The following ALPI variants were observed in gnomAD, a reference collection of about 807,000 sequenced individuals.
ALPI encodes the protein intestinal-type alkaline phosphatase.
Under a neutral mutation model 51.5 loss-of-function variants are expected in ALPI, and 50 were observed. The ratio of observed to expected loss-of-function variants is 0.97; its 90% CI spans 0.77 to 1.23. The LOEUF (loss-of-function observed/expected upper bound fraction) is 1.23, where lower values mean the gene tolerates loss of function less well. Ranked by LOEUF, ALPI falls within the 50% of genes most tolerant of loss-of-function variation. ALPI has a pLI of 0.00. For missense variants in ALPI, 692 were observed against 722.4 expected (o/e 0.96, Z 0.48); for synonymous variants, 322 against 308.2 (o/e 1.04, Z -0.47).
chr2:232,458,657 C>T lies in ALPI; in HGVS notation c.1209C>T (p.Asp403=), dbSNP rs774368537. 9 of 1,613,868 alleles carry T rather than the reference C, an allele frequency of 5.6e-6. No homozygotes were observed. In the African/African-American group the frequency reaches 1.1e-4, roughly 19 times the overall value. The change falls in exon 10 of 11, where the codon GAC becomes GAT. Residue 403 remains aspartate (D), a synonymous_variant. Coordinates refer to ENST00000295463, the MANE Select transcript of ALPI (RefSeq NM_001631.5). ...GGTTGGCCCCCAGCAAGGCTCAGGA[C>T]AGCAAAGCCTACACGTCCATCCTGT... is the stretch of plus-strand genomic sequence containing the variant. The part of the protein sequence containing the change: ...IFGLAPSKAQ[D]SKAYTSILYG...
rs1486709309 is a variant in ALPI at position 232,457,218 on chromosome 2, A to G, written c.544A>G (p.Thr182Ala). The G allele has an allele frequency of 1.2e-6, 2 of 1,613,426 alleles. No individual in the cohort carries two copies. Among genetic ancestry groups the G allele is most frequent in the Admixed American group, 3.3e-5 (2 of 60,016 alleles). The change falls in exon 5 of 11, where the codon ACA (threonine) becomes GCA (alanine). Residue 182 changes from threonine to alanine, a missense_variant. Physicochemically the swap from Thr to Ala is moderately conservative, Grantham distance 58. Transcript: ENST00000295463. The surrounding 1 kb of genome is among the most constrained non-coding windows in gnomAD (Gnocchi z 4.7). The stretch of plus-strand genomic sequence containing the variant: ...CTCGCCAGCCGGCACCTACGCACAC[A>G]CAGTGAACCGCAACTGGTACTCAGA... ...HASPAGTYAH[T>A]VNRNWYSDAD... is the part of the protein sequence containing the mutation.
At position 232,458,240 on chromosome 2, in the gene ALPI, C is replaced by T. The variant is rs949284687; in HGVS notation, c.1015C>T (p.His339Tyr). 6.2e-7 allele frequency: 1 copy of T among 1,614,136 alleles called. No individual in the cohort carries two copies. Among genetic ancestry groups the T allele is most frequent in the African/African-American group, 1.3e-5 (1 of 75,050 alleles). ...VEGGRIDHGHHEGVAYQALTE... is the reference protein window; with the variant it reads ...VEGGRIDHGHYEGVAYQALTE... ...AGGCGGCCGCATCGACCATGGTCAT[C>T]ATGAGGGTGTGGCTTACCAGGCACT... is the stretch of plus-strand genomic sequence containing the variant. Residue 339 changes from histidine (H) to tyrosine (Y), a missense_variant, in exon 9 of 11, where the codon CAT (histidine) becomes TAT (tyrosine). Coordinates refer to ENST00000295463, the MANE Select transcript of ALPI (RefSeq NM_001631.5).
chr2:232,457,029 G>A lies in ALPI; in HGVS notation c.431G>A (p.Arg144His), dbSNP rs7559279. 2.4e-3 allele frequency: 3,825 copies of A among 1,613,566 alleles called. 64 individuals are homozygous for A. The African/African-American group carries it at 0.044, about 19-fold the overall frequency. The change falls in exon 4 of 11, where the codon CGC (arginine) becomes CAC (histidine). Residue 144 changes from arginine (R) to histidine (H), a missense_variant. By Grantham distance (29) the Arg-to-His change is conservative (BLOSUM62 0). Transcript: ENST00000295463. The surrounding 1 kb of genome is among the most constrained non-coding windows in gnomAD (Gnocchi z 4.7). Reference sequence around the variant, plus strand: ...CGCTTTAACCAGTGCAACACGACACGCGGCAATGAGGTCATCTCCGTGATG... The same window carrying A: ...CGCTTTAACCAGTGCAACACGACACACGGCAATGAGGTCATCTCCGTGATG... ...AARFNQCNTT[R>H]GNEVISVMNR...
In ALPI at chr2:232,457,716, G is replaced by T; in HGVS notation, c.783+17G>T. ...AAGCACCAGGTGATGGGGGCTGGTG[G>T]GTGTGGGAGGCACGGCAGGGGGAGG... On this transcript the variant is annotated intron_variant, in intron 6 of 10. Coordinates refer to ENST00000295463, the MANE Select transcript of ALPI (RefSeq NM_001631.5). The surrounding 1 kb of genome is among the most constrained non-coding windows in gnomAD (Gnocchi z 4.7). 1.2e-6 allele frequency: 2 copies of T among 1,610,484 alleles called. No homozygotes were observed. The highest frequency in any genetic ancestry group is 1.7e-4 in the Middle Eastern group (1 of 6,054).
At position 232,456,510 on chromosome 2, in the gene ALPI, G is replaced by C. The variant is rs777726761; in HGVS notation, c.184+45G>C. 6 of 1,611,778 alleles carry C rather than the reference G, an allele frequency of 3.7e-6. No homozygotes were observed. The highest frequency in any genetic ancestry group is 4.2e-6 in the Non-Finnish European group (5 of 1,178,856). On this transcript the variant is annotated intron_variant, in intron 2 of 10. Coordinates refer to ENST00000295463, the MANE Select transcript of ALPI (RefSeq NM_001631.5). The surrounding 1 kb of genome is among the most constrained non-coding windows in gnomAD (Gnocchi z 4.2). ...CCAGCCCCGTAGTCCTCACAGCCCC[G>C]GCACCCGGGACCTTCAGTGGTTCCA...
chr2:232,459,797 G>A lies in ALPI; in HGVS notation c.*651G>A. On this transcript the variant is annotated 3_prime_UTR_variant, in exon 11 of 11. Coordinates refer to ENST00000295463, the MANE Select transcript of ALPI (RefSeq NM_001631.5). ...CAAGGGACCAATGAGGCAGAGGCTTGCCCCAAGTCACAGCCACTCAGATGC... is the reference window on the plus strand; with the variant it reads ...CAAGGGACCAATGAGGCAGAGGCTTACCCCAAGTCACAGCCACTCAGATGC... 6.5e-6 allele frequency: 1 copy of A among 152,854 alleles called. No homozygotes were observed. The highest frequency in any genetic ancestry group is 1.5e-5 in the Non-Finnish European group (1 of 68,508). 9.5% of individuals were successfully genotyped at this position (152,854 alleles called of 1,614,324 possible).
chr2:232,458,991 G>T lies in ALPI; in HGVS notation c.1432G>T (p.Ala478Ser). The change falls in exon 11 of 11, where the codon GCG becomes TCG. Residue 478 changes from alanine (A) to serine (S), a missense_variant. Ala to Ser is a moderately conservative substitution (Grantham distance 99). Transcript: ENST00000295463. ...TGGTGTGCAGGAGCAGAGCTTCGTAGCGCATGTCATGGCCTTCGCTGCCTG... is the reference window on the plus strand; with the variant it reads ...TGGTGTGCAGGAGCAGAGCTTCGTATCGCATGTCATGGCCTTCGCTGCCTG... ...VHGVQEQSFV[A>S]HVMAFAACLE... 2 of 1,581,252 alleles carry T rather than the reference G, an allele frequency of 1.3e-6. No homozygotes were observed. The highest frequency in any genetic ancestry group is 2.3e-5 in the South Asian group (2 of 87,178).
chr2:232,457,439 G>A lies in ALPI; in HGVS notation c.648+117G>A, dbSNP rs1690217418. 1.9e-6 allele frequency: 3 copies of A among 1,548,218 alleles called. No homozygotes were observed. The highest frequency in any genetic ancestry group is 2.3e-5 in the East Asian group (1 of 44,440). ...AGGTTCTGGAGGTGGAGTTGGGGATGTAGAATGTGCAATACAGGCTGGGCC... is the reference window on the plus strand; with the variant it reads ...AGGTTCTGGAGGTGGAGTTGGGGATATAGAATGTGCAATACAGGCTGGGCC... On this transcript the variant is annotated intron_variant, in intron 5 of 10. Coordinates refer to ENST00000295463, the MANE Select transcript of ALPI (RefSeq NM_001631.5). This position sits in a 1 kb window ranked among gnomAD's most constrained non-coding sequence, Gnocchi z 4.7.
Position 232,458,268 on chromosome 2 carries a change from C to G in ALPI, c.1043C>G (p.Thr348Ser). Reference protein sequence around the residue: ...HHEGVAYQALTEAVMFDDAIE... With the variant: ...HHEGVAYQALSEAVMFDDAIE... Reference sequence around the variant, plus strand: ...GAGGGTGTGGCTTACCAGGCACTCACTGAGGCGGTCATGTTCGACGACGCC... The same window carrying G: ...GAGGGTGTGGCTTACCAGGCACTCAGTGAGGCGGTCATGTTCGACGACGCC... The change falls in exon 9 of 11, where the codon ACT (threonine) becomes AGT (serine). Residue 348 changes from threonine to serine, a missense_variant. Coordinates refer to ENST00000295463, the MANE Select transcript of ALPI (RefSeq NM_001631.5). The G allele has an allele frequency of 5.6e-6, 9 of 1,614,172 alleles. No homozygotes were observed. Among genetic ancestry groups the G allele is most frequent in the Non-Finnish European group, 7.6e-6 (9 of 1,180,022 alleles).
At position 232,457,505 on chromosome 2, in the gene ALPI, G is replaced by A. The variant is rs1690218475; in HGVS notation, c.649-60G>A. ...GGGAGGGGAGCCAGGGGCTATGCAT[G>A]AGGAGGGGGCACGGGGCCAGCCAGG... On this transcript the variant is annotated intron_variant, in intron 5 of 10. Coordinates refer to ENST00000295463, the MANE Select transcript of ALPI (RefSeq NM_001631.5). This position sits in a 1 kb window ranked among gnomAD's most constrained non-coding sequence, Gnocchi z 4.7. 1.9e-6 allele frequency: 3 copies of A among 1,559,602 alleles called. No homozygotes were observed. The East Asian group carries it at 6.7e-5, about 35-fold the overall frequency.
chr2:232,457,719 G>C lies in ALPI; in HGVS notation c.783+20G>C. The C allele has an allele frequency of 6.2e-7, 1 of 1,610,982 alleles. No homozygotes were observed. The highest frequency in any genetic ancestry group is 1.1e-5 in the South Asian group (1 of 90,762). ...CACCAGGTGATGGGGGCTGGTGGGT[G>C]TGGGAGGCACGGCAGGGGGAGGCCA... is the stretch of plus-strand genomic sequence containing the variant. On this transcript the variant is annotated intron_variant, in intron 6 of 10. Transcript: ENST00000295463. This position sits in a 1 kb window ranked among gnomAD's most constrained non-coding sequence, Gnocchi z 4.7.
Position 232,457,516 on chromosome 2 carries a change from A to C in ALPI, c.649-49A>C. The C allele has an allele frequency of 6.4e-7, 1 of 1,565,968 alleles. No homozygotes were observed. Among genetic ancestry groups the C allele is most frequent in the Non-Finnish European group, 8.6e-7 (1 of 1,156,274 alleles). ...CAGGGGCTATGCATGAGGAGGGGGC[A>C]CGGGGCCAGCCAGGCCCCCAAACCA... On this transcript the variant is annotated intron_variant, in intron 5 of 10. Coordinates refer to ENST00000295463, the MANE Select transcript of ALPI (RefSeq NM_001631.5). The surrounding 1 kb of genome is among the most constrained non-coding windows in gnomAD (Gnocchi z 4.7).
Position 232,458,227 on chromosome 2 carries a change from C to T in ALPI, c.1002C>T (p.Ile334=), listed in dbSNP as rs375112950. The T allele has an allele frequency of 1.4e-5, 22 of 1,613,952 alleles. No individual in the cohort carries two copies. Among genetic ancestry groups the T allele is most frequent in the African/African-American group, 9.3e-5 (7 of 74,924 alleles). ...GFYLFVEGGR[I]DHGHHEGVAY... is the part of the protein sequence containing the mutation. ...CTGGCCTTCCTGCAGGCGGCCGCATCGACCATGGTCATCATGAGGGTGTGG... is the reference window on the plus strand; with the variant it reads ...CTGGCCTTCCTGCAGGCGGCCGCATTGACCATGGTCATCATGAGGGTGTGG... The change falls in exon 9 of 11, where the codon ATC becomes ATT. Residue 334 remains isoleucine, a synonymous_variant. Transcript: ENST00000295463.
At position 232,457,817 on chromosome 2, in the gene ALPI, G is replaced by T; in HGVS notation, c.806G>T (p.Arg269Leu). Residue 269 changes from arginine to leucine, a missense_variant, in exon 7 of 11, where the codon CGC becomes CTC. Transcript: ENST00000295463. This position sits in a 1 kb window ranked among gnomAD's most constrained non-coding sequence, Gnocchi z 4.7. ...KHQGAWYVWNRTELMQASLDQ... is the reference protein window; with the variant it reads ...KHQGAWYVWNLTELMQASLDQ... The stretch of plus-strand genomic sequence containing the variant: ...CAGGGTGCCTGGTATGTGTGGAACC[G>T]CACTGAGCTCATGCAGGCGTCCCTG... 1.9e-6 allele frequency: 3 copies of T among 1,614,014 alleles called. No homozygotes were observed. Among genetic ancestry groups the T allele is most frequent in the Non-Finnish European group, 1.7e-6 (2 of 1,179,982 alleles).
rs369430866 is a variant in ALPI at position 232,458,314 on chromosome 2, C to G, written c.1089C>G (p.Leu363=). The G allele has an allele frequency of 1.2e-5, 19 of 1,614,062 alleles. No homozygotes were observed. The highest frequency in any genetic ancestry group is 1.6e-4 in the Middle Eastern group (1 of 6,082). ...ACGCCATTGAGAGGGCGGGCCAGCTCACCAGCGAGGAGGACACGCTGACCC... is the reference window on the plus strand; with the variant it reads ...ACGCCATTGAGAGGGCGGGCCAGCTGACCAGCGAGGAGGACACGCTGACCC... ...FDDAIERAGQ[L]TSEEDTLTLV... The change falls in exon 9 of 11, where the codon CTC becomes CTG. Residue 363 remains leucine, a synonymous_variant. Coordinates refer to ENST00000295463, the MANE Select transcript of ALPI (RefSeq NM_001631.5).
At position 232,459,692 on chromosome 2, in the gene ALPI, G is replaced by C. The variant is rs1206511646; in HGVS notation, c.*546G>C. ...TGCAACCCACCCAAGGAGGCTACTG[G>C]ATCGGGGATTCCCAGGGGGGCTTTG... On this transcript the variant is annotated 3_prime_UTR_variant, in exon 11 of 11. Transcript: ENST00000295463. 1 of 157,180 alleles carries C rather than the reference G, an allele frequency of 6.4e-6. No homozygotes were observed. Among genetic ancestry groups the C allele is most frequent in the East Asian group, 1.9e-4 (1 of 5,272 alleles). 9.7% of individuals were successfully genotyped at this position (157,180 alleles called of 1,614,324 possible).
chr2:232,457,737 G>T lies in ALPI; in HGVS notation c.783+38G>T. 1 of 1,610,990 alleles carries T rather than the reference G, an allele frequency of 6.2e-7. No homozygotes were observed. The highest frequency in any genetic ancestry group is 8.5e-7 in the Non-Finnish European group (1 of 1,177,990). On this transcript the variant is annotated intron_variant, in intron 6 of 10. Transcript: ENST00000295463. The surrounding 1 kb of genome is among the most constrained non-coding windows in gnomAD (Gnocchi z 4.7). ...GGTGGGTGTGGGAGGCACGGCAGGG[G>T]GAGGCCAAGTGTGTGGGTCTCAGGG...
chr2:232,459,276 C>A lies in ALPI; in HGVS notation c.*130C>A. 2 of 1,288,170 alleles carry A rather than the reference C, an allele frequency of 1.6e-6. No individual in the cohort carries two copies. Among genetic ancestry groups the A allele is most frequent in the Non-Finnish European group, 1.0e-6 (1 of 963,316 alleles). The allele number at this position is 1,288,170 out of a possible 1,614,324, so 79.8% of individuals were successfully genotyped here. A position where few individuals can be genotyped will look rare whatever the true frequency, so the allele number is the denominator to read the frequency against. On this transcript the variant is annotated 3_prime_UTR_variant, in exon 11 of 11. Coordinates refer to ENST00000295463, the MANE Select transcript of ALPI (RefSeq NM_001631.5). ...GGACCTTCACCTCCTAGAGATAAAC[C>A]AGCCTCAGCTGGCGCAGCGGGGCCC... is the stretch of plus-strand genomic sequence containing the variant.
rs1168836296 is a variant in ALPI, at chr2:232,460,706, TCTTATTTA to T, written c.*1563_*1570del. Among the ~76,000 whole-genome samples the T allele has an allele frequency of 6.6e-6, 1 of 152,228 alleles. No individual in the cohort carries two copies. Among genetic ancestry groups the T allele is most frequent in the Non-Finnish European group, 1.5e-5 (1 of 68,046 alleles). On this transcript the variant is annotated 3_prime_UTR_variant, in exon 11 of 11. Coordinates refer to ENST00000295463, the MANE Select transcript of ALPI (RefSeq NM_001631.5). The stretch of plus-strand genomic sequence containing the variant: ...AATAGTAACATCATTCAATATGCTT[TCTTATTTA>T]CTAAAACCTTGAAATAAAATTGTAA...
Sources: gnomAD v4.1 joint callset for allele counts (sites outside exome capture counted in the v4.1 genomes callset) on GRCh38, gnomAD v4.1.1 for gene constraint, Gnocchi (gnomAD v3.1) non-coding constraint, MANE v1.5 for transcripts, NCBI Gene and HGNC (gene_info 2026-07-23, HGNC 2026-07-21) for gene names.